The following SLC18A2 variants were observed in gnomAD, a reference collection of about 807,000 sequenced individuals.
SLC18A2 encodes the protein solute carrier family 18 member A2, also known as synaptic vesicular amine transporter.
SLC18A2 carries 33 observed loss-of-function variants against 59.2 expected under a neutral mutation model. The observed-to-expected ratio is 0.56, with a 90% CI of 0.42 to 0.75. The LOEUF is 0.75. SLC18A2 is among the 30% of genes least tolerant of loss of function. SLC18A2 has a pLI of 0.00. For synonymous variants in SLC18A2, 228 were observed against 253.5 expected, an observed-to-expected ratio of 0.90 and a Z score of 0.95; for missense variants, 569 against 668.6, an observed-to-expected ratio of 0.85 and a Z score of 1.64.
In SLC18A2 at chr10:117,274,508, G is replaced by A. The variant is rs532801813; in HGVS notation, c.1441-2654G>A. On this transcript the variant is annotated intron_variant, in intron 15 of 15. Coordinates refer to ENST00000644641, the MANE Select transcript of SLC18A2 (RefSeq NM_003054.6). ...AATTAGGAATAAGGTAGTGATGACCGTTCTTTATAAGGTGACCTGCCTGCC... is the reference window on the plus strand; with the variant it reads ...AATTAGGAATAAGGTAGTGATGACCATTCTTTATAAGGTGACCTGCCTGCC... 1.1e-4 allele frequency among the ~76,000 whole-genome samples: 17 copies of A among 152,254 alleles called. No homozygotes were observed. The East Asian group carries it at 1.2e-3, about 10-fold the overall frequency.
intron 10 of SLC18A2, among the ~76,000 whole-genome samples, chr10:117,260,508 G>GC (rs1188707355): frequency 6.6e-6 from 1 of 152,196 alleles, no homozygotes; most frequent in Non-Finnish European, 1.5e-5. Context: ...GCGGAAGGGG[G>GC]CATAGGCTGT....
Position 117,266,776 on chromosome 10 carries a change from C to A in SLC18A2, c.1035C>A (p.Thr345=). Residue 345 remains threonine, a synonymous_variant, in exon 11 of 16, where the codon ACC becomes ACA. Transcript: ENST00000644641. The part of the protein sequence containing the change: ...LPASISYLIG[T]NIFGILAHKM... Reference sequence around the variant, plus strand: ...CTAGTATCTCTTATCTCATTGGAACCAATATTTTTGGGATACTTGCACACA... The same window carrying A: ...CTAGTATCTCTTATCTCATTGGAACAAATATTTTTGGGATACTTGCACACA... 1 of 1,613,936 alleles carries A rather than the reference C, an allele frequency of 6.2e-7. No individual in the cohort carries two copies. Among genetic ancestry groups the A allele is most frequent in the Non-Finnish European group, 8.5e-7 (1 of 1,179,954 alleles).
At chr10:117,270,296 G>C in intron 14 of SLC18A2, 34 bp from the exon 15 acceptor site, 1 of 1,613,868 alleles carries the variant, frequency 6.2e-7, no homozygotes, top group Non-Finnish European at 8.5e-7. Context: ...AAGACATTTG[G>C]AAGAGCTTTA....
chr10:117,244,552 G>A (rs1253566644), intron 3 of SLC18A2, among the ~76,000 whole-genome samples: 1 of 152,220 alleles, frequency 6.6e-6, no homozygotes, highest in Admixed American at 6.5e-5. Context: ...AGAATAAAGA[G>A]GACCTCTTCC....
chr10:117,245,216 C>G (rs1370037416), intron 3 of SLC18A2, among the ~76,000 whole-genome samples: 1 of 152,164 alleles, frequency 6.6e-6, no homozygotes, highest in Non-Finnish European at 1.5e-5. Context: ...GTGTAGCTAC[C>G]TAGGTGAAAG....
At chr10:117,258,771 T>C (rs915090089) in intron 10 of SLC18A2, among the ~76,000 whole-genome samples, 5 of 150,222 alleles carry the variant, frequency 3.3e-5, no homozygotes, top group African/African-American at 1.2e-4. Flanking sequence ...CGACTCTTTT[T>C]TTTTTTTTTT....
At chr10:117,244,334 CAA>C (rs11568723) in intron 3 of SLC18A2, 21 bp downstream of exon 3, 79,135 of 1,587,336 alleles carry the variant, frequency 0.05, 3,121 homozygotes, top group Admixed American at 0.21. Flanking sequence ...CTACTTTAGT[CAA>C]AGAGTTTGAT....
In SLC18A2 at chr10:117,257,700, G is replaced by A. The variant is rs999452419; in HGVS notation, c.896-97G>A. ...TATCCTTTACTTAATGAAAGTAGAA[G>A]TTGCGGTTATCTGAGCTGTAGGCGC... On this transcript the variant is annotated intron_variant, in intron 9 of 15. Coordinates refer to ENST00000644641, the MANE Select transcript of SLC18A2 (RefSeq NM_003054.6). 5.9e-5 allele frequency: 36 copies of A among 608,974 alleles called. 2 individuals are homozygous for A. Among genetic ancestry groups the A allele is most frequent in the Non-Finnish European group, 1.1e-5 (4 of 355,038 alleles). The allele number at this position is 608,974 out of a possible 1,614,324, so 37.7% of individuals were successfully genotyped here.
At chr10:117,270,550 C>T in intron 15 of SLC18A2, 87 bp downstream of exon 15, 1 of 1,465,216 alleles carries the variant, frequency 6.8e-7, no homozygotes, top group Non-Finnish European at 9.3e-7. Flanking sequence ...CATTCTAAAG[C>T]CTTCAAACAT....
chr10:117,241,604 C>T, intron 1 of SLC18A2, 75 bp from the exon 2 acceptor site: 1 of 1,418,978 alleles, frequency 7.0e-7, no homozygotes, highest in South Asian at 1.5e-5. Context: ...CTGACCCGCC[C>T]TTCCGCGGCC....
intron 15 of SLC18A2, among the ~76,000 whole-genome samples, chr10:117,276,630 A>AAAAAAAAAAAAAAAG (rs1445853665): frequency 1.8e-4 from 4 of 22,314 alleles, no homozygotes; most frequent in African/African-American, 4.3e-4. Flanking sequence ...AAAAAAAAAA[A>AAAAAAAAAAAAAAAG]AAAGAAAGAA....
At chr10:117,267,841 C>A in intron 13 of SLC18A2, 105 bp downstream of exon 13, 2 of 845,826 alleles carry the variant, frequency 2.4e-6, no homozygotes, top group South Asian at 2.1e-5. Context: ...TTTCCAGAAT[C>A]TTAGAAGGAG....
intron 7 of SLC18A2, 31 bp downstream of exon 7, chr10:117,255,397 G>T: frequency 6.2e-7 from 1 of 1,613,954 alleles, no homozygotes; most frequent in Non-Finnish European, 8.5e-7. Context: ...GCCATGCCAT[G>T]ACCTTGGCAT....
intron 15 of SLC18A2, among the ~76,000 whole-genome samples, chr10:117,271,419 T>C (rs1276376929): frequency 6.6e-6 from 1 of 152,238 alleles, no homozygotes; most frequent in Non-Finnish European, 1.5e-5. Context: ...CAAAAGGAGA[T>C]TTAAAGACAA....
intron 10 of SLC18A2, among the ~76,000 whole-genome samples, chr10:117,260,719 G>T (rs542485163): frequency 1.3e-4 from 20 of 152,012 alleles, no homozygotes; most frequent in Non-Finnish European, 2.9e-4. Flanking sequence ...TGGGCATTTG[G>T]GCTCATTTTG....
chr10:117,269,889 G>A lies in SLC18A2; in HGVS notation c.1187-182G>A, dbSNP rs899796805. ...GAGGGGAACCTGACCTCCTCTGGGG[G>A]TCAGAAAAGGCTTCCTTCATTCTTT... is the stretch of plus-strand genomic sequence containing the variant. On this transcript the variant is annotated intron_variant, in intron 13 of 15. Transcript: ENST00000644641. This position sits in a 1 kb window ranked among gnomAD's most constrained non-coding sequence, Gnocchi z 5.1. 1.3e-5 allele frequency among the ~76,000 whole-genome samples: 2 copies of A among 152,188 alleles called. No homozygotes were observed. The highest frequency in any genetic ancestry group is 2.9e-5 in the Non-Finnish European group (2 of 68,044).
chr10:117,267,493 C>T (rs1377845838), intron 12 of SLC18A2, 180 bp from the exon 13 acceptor site: 1 of 487,284 alleles, frequency 2.1e-6, no homozygotes, highest in Non-Finnish European at 3.7e-6. Context: ...TCGTTTCAAG[C>T]TTTGACTTTT....
chr10:117,267,053 T>A lies in SLC18A2; in HGVS notation c.1122+18T>A. The A allele has an allele frequency of 6.3e-7, 1 of 1,598,530 alleles. No individual in the cohort carries two copies. Among genetic ancestry groups the A allele is most frequent in the Non-Finnish European group, 8.6e-7 (1 of 1,167,416 alleles). On this transcript the variant is annotated intron_variant, in intron 12 of 15. Coordinates refer to ENST00000644641, the MANE Select transcript of SLC18A2 (RefSeq NM_003054.6). ...TTTTATGTGTGAGTAAAAGATGGCATTTGACAAGTGGGAACAATCTGTGAA... is the reference window on the plus strand; with the variant it reads ...TTTTATGTGTGAGTAAAAGATGGCAATTGACAAGTGGGAACAATCTGTGAA...
Position 117,253,473 on chromosome 10 carries a change from T to A in SLC18A2, c.523+16T>A. The A allele has an allele frequency of 6.2e-7, 1 of 1,605,514 alleles. No individual in the cohort carries two copies. The highest frequency in any genetic ancestry group is 1.7e-4 in the Middle Eastern group (1 of 6,034). ...TCAACAATTAGTAAGTGTGTGGTGT[T>A]TTCCTTCTGAGTGTGGGTCTCATCA... is the stretch of plus-strand genomic sequence containing the variant. On this transcript the variant is annotated intron_variant, in intron 4 of 15. Coordinates refer to ENST00000644641, the MANE Select transcript of SLC18A2 (RefSeq NM_003054.6).
Sources: allele counts gnomAD v4.1 joint callset (sites outside exome capture counted in the v4.1 genomes callset), GRCh38; gene constraint gnomAD v4.1.1; non-coding constraint Gnocchi (gnomAD v3.1); transcripts MANE v1.5; gene names NCBI Gene and HGNC (gene_info 2026-07-23, HGNC 2026-07-21).